PLXNA4: variants seen among roughly 807,000 people sequenced by gnomAD.
The protein encoded by PLXNA4 is plexin A4, also known as plexin-A4.
Under a neutral mutation model 191.8 loss-of-function variants are expected in PLXNA4, and 44 were observed. The ratio of observed to expected loss-of-function variants is 0.23; its 90% CI spans 0.18 to 0.29. The LOEUF (loss-of-function observed/expected upper bound fraction) is 0.29, where lower values mean the gene tolerates loss of function less well. PLXNA4 is among the 10% of genes least tolerant of loss of function. The pLI is 1.00. For synonymous variants in PLXNA4, 1,082 were observed against 1,009.5 expected, an observed-to-expected ratio of 1.07 and a Z score of -1.36; for missense variants, 1,800 against 2,488.8, an observed-to-expected ratio of 0.72 and a Z score of 5.89.
rs1190284205 is a variant in PLXNA4 at position 132,124,689 on chromosome 7, T to G, written c.*5790A>C. 6.6e-6 allele frequency: 1 copy of G among 152,156 alleles called. No individual in the cohort carries two copies. Among genetic ancestry groups the G allele is most frequent in the Non-Finnish European group, 1.5e-5 (1 of 68,034 alleles). The allele number at this position is 152,156 out of a possible 1,614,324, so 9.4% of individuals were successfully genotyped here. A position where few individuals can be genotyped will look rare whatever the true frequency, so the allele number is the denominator to read the frequency against. ...AAGTTTGAGGAAAGCTGATAAGAGA[T>G]GTGTAGGATTCGGCAGTACCAGGGG... On this transcript the variant is annotated 3_prime_UTR_variant, in exon 32 of 32. Transcript: ENST00000321063.
At chr7:132,177,450 G>A (rs1045941533) in intron 20 of PLXNA4, among the ~76,000 whole-genome samples, 3 of 152,214 alleles carry the variant, frequency 2.0e-5, no homozygotes, top group Admixed American at 1.3e-4. Flanking sequence ...AAGCTGCAAA[G>A]TGCCTCTGTG....
chr7:132,355,742 C>T (rs73726006), intron 3 of PLXNA4, among the ~76,000 whole-genome samples: 3,556 of 149,434 alleles, frequency 0.024, 177 homozygotes, highest in African/African-American at 0.084. Context: ...GGGTAGAGGG[C>T]AAGGGGGAAG....
intron 2 of PLXNA4, among the ~76,000 whole-genome samples, chr7:132,591,901 A>G (rs1196833043): frequency 1.3e-5 from 2 of 152,176 alleles, no homozygotes; most frequent in African/African-American, 4.8e-5. Flanking sequence ...TCCTACAAGC[A>G]GTTCCCGGGA....
intron 3 of PLXNA4, among the ~76,000 whole-genome samples, chr7:132,388,260 C>T (rs1255150214): frequency 6.6e-6 from 1 of 152,128 alleles, no homozygotes; most frequent in Non-Finnish European, 1.5e-5. Flanking sequence ...GTGACTGTCA[C>T]TTCGATCCGA....
chr7:132,587,209 G>A (rs1802519775), intron 2 of PLXNA4, among the ~76,000 whole-genome samples: 2 of 152,188 alleles, frequency 1.3e-5, no homozygotes, highest in Non-Finnish European at 2.9e-5. Context: ...AGTAACTGGT[G>A]ATGTTCAGCT....
chr7:132,154,408 G>T (rs978970464), intron 25 of PLXNA4, among the ~76,000 whole-genome samples: 2 of 71,648 alleles, frequency 2.8e-5, no homozygotes, highest in African/African-American at 7.7e-5. Flanking sequence ...ATCTAAAAAC[G>T]TTCTGTTTTT....
intron 4 of PLXNA4, among the ~76,000 whole-genome samples, chr7:132,290,912 A>T (rs1173034852): frequency 6.6e-6 from 1 of 152,196 alleles, no homozygotes; most frequent in African/African-American, 2.4e-5. Flanking sequence ...GAACTACGTA[A>T]TTTGCAAATA....
At chr7:132,563,495 T>C (rs868255859) in intron 1 of PLXNA4, among the ~76,000 whole-genome samples, 505 of 22,012 alleles carry the variant, frequency 0.023, no homozygotes, top group Middle Eastern at 0.056. Flanking sequence ...TCCTCCTCCT[T>C]CTCCTCCTCC....
chr7:132,341,912 G>A (rs991781988), intron 3 of PLXNA4, among the ~76,000 whole-genome samples: 35 of 152,222 alleles, frequency 2.3e-4, no homozygotes, highest in African/African-American at 8.2e-4. Flanking sequence ...GATATAGACA[G>A]CAACTTTACC....
In PLXNA4 at chr7:132,456,420, T is replaced by C. The variant is rs555409657; in HGVS notation, c.1371+32872A>G. Among the ~76,000 whole-genome samples the C allele has an allele frequency of 1.1e-3, 169 of 152,280 alleles. 1 individual carries two copies. Among genetic ancestry groups the C allele is most frequent in the African/African-American group, 3.9e-3 (161 of 41,562 alleles). ...GAGCCACTGCACCCAGCCTCTGTTC[T>C]CTTTTTATAAGGCCAAGAGCGTGCT... On this transcript the variant is annotated intron_variant, in intron 3 of 31. Coordinates refer to ENST00000321063, the MANE Select transcript of PLXNA4 (RefSeq NM_020911.2).
In PLXNA4 at chr7:132,264,233, A is replaced by G. The variant is rs78908271; in HGVS notation, c.1504-23067T>C. Reference sequence around the variant, plus strand: ...AGCTCTGGTGCTTGTGGTAATTGCTATGAAGGAATCCATATCCCATCAGAA... The same window carrying G: ...AGCTCTGGTGCTTGTGGTAATTGCTGTGAAGGAATCCATATCCCATCAGAA... On this transcript the variant is annotated intron_variant, in intron 4 of 31. Coordinates refer to ENST00000321063, the MANE Select transcript of PLXNA4 (RefSeq NM_020911.2). 4.6e-5 allele frequency: 7 copies of G among 152,364 alleles called. No individual in the cohort carries two copies. In the East Asian group the frequency reaches 1.3e-3, roughly 29 times the overall value. The allele number at this position is 152,364 out of a possible 1,614,324, so 9.4% of individuals were successfully genotyped here. A position where few individuals can be genotyped will look rare whatever the true frequency, so the allele number is the denominator to read the frequency against.
chr7:132,190,592 G>A (rs897516815), intron 14 of PLXNA4, among the ~76,000 whole-genome samples: 3 of 152,224 alleles, frequency 2.0e-5, no homozygotes, highest in Non-Finnish European at 4.4e-5. Flanking sequence ...GAGGTTTAGC[G>A]CTGCCTATGC....
At chr7:132,534,354 C>G (rs1476822276) in intron 1 of PLXNA4, among the ~76,000 whole-genome samples, 3 of 152,200 alleles carry the variant, frequency 2.0e-5, no homozygotes, top group African/African-American at 7.2e-5. Context: ...ACCCCCTCCC[C>G]TCTGTGAGAG....
intron 3 of PLXNA4, among the ~76,000 whole-genome samples, chr7:132,474,085 T>A (rs1003473980): frequency 1.3e-5 from 2 of 150,594 alleles, no homozygotes; most frequent in Admixed American, 6.6e-5. Context: ...AACAGGGCAA[T>A]AAACACCTAG....
chr7:132,551,992 G>C (rs980711952), intron 1 of PLXNA4, among the ~76,000 whole-genome samples: 1 of 152,114 alleles, frequency 6.6e-6, no homozygotes, highest in Admixed American at 6.5e-5. Context: ...TGAAGGGGGT[G>C]GGGGGAAGGA....
In PLXNA4 at chr7:132,304,968, CA is replaced by C. The variant is rs536238394; in HGVS notation, c.1372-6747del. 8.5e-5 allele frequency among the ~76,000 whole-genome samples: 13 copies of C among 152,344 alleles called. No individual in the cohort carries two copies. In the South Asian group the frequency reaches 2.5e-3, roughly 29 times the overall value. ...CTGCTGCATGGGCCTCATTCTAATC[CA>C]GGCTCATTTGATGCACCCATGCCTT... is the stretch of plus-strand genomic sequence containing the variant. On this transcript the variant is annotated intron_variant, in intron 3 of 31. Transcript: ENST00000321063.
intron 3 of PLXNA4, among the ~76,000 whole-genome samples, chr7:132,417,352 G>A (rs553123220): frequency 2.6e-5 from 4 of 152,156 alleles, no homozygotes; most frequent in Non-Finnish European, 4.4e-5. Flanking sequence ...GCTTAGGATT[G>A]GGGCTGCCTC....
chr7:132,337,495 G>T (rs1277224747), intron 3 of PLXNA4, among the ~76,000 whole-genome samples: 1 of 152,330 alleles, frequency 6.6e-6, no homozygotes, highest in East Asian at 1.9e-4. Flanking sequence ...AGAAGGTTGT[G>T]CTTTATTGTC....
chr7:132,422,250 A>G (rs2117149144), intron 3 of PLXNA4, among the ~76,000 whole-genome samples: 1 of 152,328 alleles, frequency 6.6e-6, no homozygotes, highest in African/African-American at 2.4e-5. Flanking sequence ...CCTGCAGAAC[A>G]ATGGGTGCCT....
Sources: allele counts gnomAD v4.1 joint callset (sites outside exome capture counted in the v4.1 genomes callset), GRCh38; gene constraint gnomAD v4.1.1; transcripts MANE v1.5; gene names NCBI Gene and HGNC (gene_info 2026-07-23, HGNC 2026-07-21).